The following SEMA6D variants were observed in gnomAD, a reference collection of about 807,000 sequenced individuals.
SEMA6D encodes the protein semaphorin 6D, also known as semaphorin-6D.
SEMA6D carries 35 observed loss-of-function variants against 106.6 expected under a neutral mutation model. The observed-to-expected ratio is 0.33, with a 90% CI of 0.25 to 0.44. SEMA6D has a LOEUF of 0.44. Ranked by LOEUF, SEMA6D falls within the 20% of genes least tolerant of loss-of-function variation. The pLI, the probability that SEMA6D is intolerant of heterozygous loss-of-function variation, is 1.00. For missense variants in SEMA6D, 1,185 were observed against 1,345.9 expected (o/e 0.88, Z 1.87); for synonymous variants, 499 against 487.7 (o/e 1.02, Z -0.31).
At chr15:47,728,837 C>T (rs921762299) in intron 1 of SEMA6D, among the ~76,000 whole-genome samples, 1 of 152,222 alleles carries the variant, frequency 6.6e-6, no homozygotes. Context: ...GTCACTTCTC[C>T]CTCTCCGACT....
chr15:47,513,103 G>A (rs1596203681), intron 3 of SEMA6D, among the ~76,000 whole-genome samples: 1 of 151,996 alleles, frequency 6.6e-6, no homozygotes, highest in African/African-American at 2.4e-5. Flanking sequence ...GACCCAGAGT[G>A]AACTATTAAT....
At chr15:47,744,909 A>G (rs1596947439) in intron 1 of SEMA6D, among the ~76,000 whole-genome samples, 1 of 152,180 alleles carries the variant, frequency 6.6e-6, no homozygotes, top group African/African-American at 2.4e-5. Flanking sequence ...TGGAAGGGGC[A>G]TTGGAGATCA....
At chr15:47,764,389 C>T in intron 11 of SEMA6D, 84 bp downstream of exon 11, 3 of 1,490,918 alleles carry the variant, frequency 2.0e-6, no homozygotes, top group Non-Finnish European at 9.0e-7. Context: ...AGCAGCTTGG[C>T]CAACCTCCCA....
intron 2 of SEMA6D, among the ~76,000 whole-genome samples, chr15:47,430,666 T>C (rs1233966867): frequency 2.0e-5 from 3 of 152,052 alleles, no homozygotes; most frequent in Admixed American, 6.6e-5. Context: ...ATGTTTCCTT[T>C]CAATGTTATA....
chr15:47,232,553 G>C (rs980583295), intron 1 of SEMA6D, among the ~76,000 whole-genome samples: 10 of 143,504 alleles, frequency 7.0e-5, no homozygotes, highest in Non-Finnish European at 1.2e-4. Context: ...GTGTGTGTGT[G>C]TGTATTTTAT....
chr15:47,189,172 C>T (rs923581785), intron 1 of SEMA6D, among the ~76,000 whole-genome samples: 6 of 152,060 alleles, frequency 3.9e-5, no homozygotes, highest in Non-Finnish European at 7.4e-5. Context: ...TTTCTCTTTT[C>T]CTCTCTTCTC....
chr15:47,190,095 C>G (rs983128836), intron 1 of SEMA6D, among the ~76,000 whole-genome samples: 17 of 152,168 alleles, frequency 1.1e-4, no homozygotes, highest in Admixed American at 1.0e-3. Context: ...TTTTCACACC[C>G]CTTTTGATCT....
intron 3 of SEMA6D, among the ~76,000 whole-genome samples, chr15:47,494,749 T>TAG (rs2043587850): frequency 3.3e-5 from 2 of 60,862 alleles, no homozygotes; most frequent in African/African-American, 2.5e-4. Context: ...GAGATATATA[T>TAG]ATATATATAT....
rs201368884 is a variant in SEMA6D at position 47,365,890 on chromosome 15, GGAGAGAGAGAGAGA to G, written c.-238-46482_-238-46469del. 6.0e-3 allele frequency among the ~76,000 whole-genome samples: 720 copies of G among 119,798 alleles called. 4 individuals carry two copies. The highest frequency in any genetic ancestry group is 0.024 in the Middle Eastern group (6 of 248). 78.6% of individuals were successfully genotyped at this position (119,798 alleles called of 152,430 possible). A position where few individuals can be genotyped will look rare whatever the true frequency, so the allele number is the denominator to read the frequency against. On this transcript the variant is annotated intron_variant, in intron 1 of 19. Coordinates refer to the SEMA6D transcript ENST00000558014. The stretch of plus-strand genomic sequence containing the variant: ...AAAGAAAGAAAGAGAGAGAGAGAGA[GGAGAGAGAGAGAGA>G]GAGAGAGAGAGAGAGAGAGAAAAGA...
chr15:47,270,900 C>T (rs1482775647), intron 1 of SEMA6D, among the ~76,000 whole-genome samples: 4 of 151,744 alleles, frequency 2.6e-5, no homozygotes, highest in African/African-American at 9.7e-5. Flanking sequence ...GAGGCTGAGG[C>T]AGGAGAATTG....
At chr15:47,377,285 A>T (rs2039481859) in intron 1 of SEMA6D, among the ~76,000 whole-genome samples, 1 of 152,186 alleles carries the variant, frequency 6.6e-6, no homozygotes, top group African/African-American at 2.4e-5. Flanking sequence ...GATTTCAGGG[A>T]TTGGCTGTCA....
intron 1 of SEMA6D, among the ~76,000 whole-genome samples, chr15:47,240,546 T>C (rs2032840611): frequency 6.6e-6 from 1 of 152,174 alleles, no homozygotes; most frequent in Non-Finnish European, 1.5e-5. Flanking sequence ...CTTCAGCATT[T>C]AGTCTCTATG....
intron 3 of SEMA6D, among the ~76,000 whole-genome samples, chr15:47,491,830 T>C (rs1259705509): frequency 1.3e-5 from 2 of 152,222 alleles, no homozygotes; most frequent in African/African-American, 4.8e-5. Flanking sequence ...GTCAGTGCTC[T>C]AATTGTTCCT....
At chr15:47,636,748 T>C (rs2077395806) in intron 4 of SEMA6D, among the ~76,000 whole-genome samples, 1 of 152,108 alleles carries the variant, frequency 6.6e-6, no homozygotes. Flanking sequence ...TATATTGGCT[T>C]TTGTCCTGTG....
intron 1 of SEMA6D, among the ~76,000 whole-genome samples, chr15:47,354,346 G>A (rs1496920): frequency 0.52 from 75,555 of 145,198 alleles, 22,880 homozygotes; most frequent in African/African-American, 0.85. Flanking sequence ...TGGAATGAAA[G>A]AGCTTATATA....
At chr15:47,548,108 A>G (rs1204604282) in intron 3 of SEMA6D, among the ~76,000 whole-genome samples, 1 of 152,174 alleles carries the variant, frequency 6.6e-6, no homozygotes, top group Non-Finnish European at 1.5e-5. Context: ...TGCTCTGCCT[A>G]CCACAGTTGA....
chr15:47,732,978 G>C (rs1596851223), intron 1 of SEMA6D, among the ~76,000 whole-genome samples: 1 of 152,126 alleles, frequency 6.6e-6, no homozygotes, highest in African/African-American at 2.4e-5. Context: ...AATTATGAAG[G>C]CATTTTTATC....
rs74013745 is a variant in SEMA6D, at chr15:47,211,409, T to C, written c.-239+26991T>C. Among the ~76,000 whole-genome samples the C allele has an allele frequency of 4.2e-3, 643 of 152,292 alleles. 4 individuals carry two copies. Among genetic ancestry groups the C allele is most frequent in the African/African-American group, 0.015 (619 of 41,574 alleles). On this transcript the variant is annotated intron_variant, in intron 1 of 19. Coordinates refer to the SEMA6D transcript ENST00000558014. The stretch of plus-strand genomic sequence containing the variant: ...TTATAAAGCTACTTTATACACAAAA[T>C]GAGGATATATTTTCCTGGTCTTGTT...
At chr15:47,332,049 C>T (rs2037363883) in intron 1 of SEMA6D, among the ~76,000 whole-genome samples, 1 of 152,086 alleles carries the variant, frequency 6.6e-6, no homozygotes, top group Non-Finnish European at 1.5e-5. Flanking sequence ...ATTATTCTTC[C>T]AATGTGTTAG....
Sources: gnomAD v4.1 joint callset for allele counts (sites outside exome capture counted in the v4.1 genomes callset) on GRCh38, gnomAD v4.1.1 for gene constraint, MANE v1.5 for transcripts, NCBI Gene and HGNC (gene_info 2026-07-23, HGNC 2026-07-21) for gene names.